The following SIPA1L3 variants were observed in gnomAD, a reference collection of about 807,000 sequenced individuals.
SIPA1L3 encodes signal induced proliferation associated 1 like 3.
In SIPA1L3, 59 loss-of-function variants were observed where a neutral mutation model predicts 150.1. That is an observed-to-expected ratio of 0.39 (90% confidence interval 0.32 to 0.49). The LOEUF is 0.49. SIPA1L3 is among the 20% of genes least tolerant of loss of function. The pLI is 0.86. For missense variants in SIPA1L3, 2,211 were observed against 2,489.5 expected (o/e 0.89, Z 2.38); for synonymous variants, 1,070 against 1,077.6 (o/e 0.99, Z 0.14).
chr19:38,171,909 G>A (rs1972336855), intron 15 of SIPA1L3, among the ~76,000 whole-genome samples: 1 of 152,134 alleles, frequency 6.6e-6, no homozygotes, highest in Non-Finnish European at 1.5e-5. Context: ...AGGTAGGTAG[G>A]TAGGTAGGCA....
intron 2 of SIPA1L3, among the ~76,000 whole-genome samples, chr19:38,031,127 T>G (rs1021792933): frequency 7.2e-5 from 11 of 152,188 alleles, no homozygotes. Context: ...AATTCTTGAT[T>G]ACTTTTATTT....
chr19:38,073,097 A>G (rs530642309), intron 2 of SIPA1L3, among the ~76,000 whole-genome samples: 1 of 152,242 alleles, frequency 6.6e-6, no homozygotes, highest in South Asian at 2.1e-4. Context: ...CCAGTGGGAC[A>G]TAAAAGAAAG....
rs761295790 is a variant in SIPA1L3, at chr19:38,164,950, C to T, written c.4208+44C>T. 1.1e-5 allele frequency: 16 copies of T among 1,479,754 alleles called. No homozygotes were observed. The highest frequency in any genetic ancestry group is 2.7e-5 in the South Asian group (2 of 73,396). The allele number at this position is 1,479,754 out of a possible 1,614,324, so 91.7% of individuals were successfully genotyped here. On this transcript the variant is annotated intron_variant, in intron 15 of 21. Transcript: ENST00000222345. This position sits in a 1 kb window ranked among gnomAD's most constrained non-coding sequence, Gnocchi z 4.1. ...TCTGGGTTCTAACCACCTTCCACTT[C>T]GCCAGTTCTACTTTTACGGTCCTGA...
In SIPA1L3 at chr19:38,081,646, T is replaced by C; in HGVS notation, c.81T>C (p.Pro27=). ...GCGCCAGGGTGGGCGATGTCCTCCC[T>C]GGGCCACACACAGGGGACTACGCTC... is the stretch of plus-strand genomic sequence containing the variant. ...SCGARVGDVL[P]GPHTGDYAPL... The change falls in exon 3 of 22, where the codon CCT becomes CCC. Residue 27 remains proline, a synonymous_variant. Transcript: ENST00000222345. The C allele has an allele frequency of 6.2e-7, 1 of 1,610,340 alleles. No individual in the cohort carries two copies. The highest frequency in any genetic ancestry group is 8.5e-7 in the Non-Finnish European group (1 of 1,178,102).
intron 1 of SIPA1L3, among the ~76,000 whole-genome samples, chr19:37,947,006 CA>C (rs1194094056): frequency 2.0e-5 from 3 of 151,812 alleles, no homozygotes; most frequent in Non-Finnish European, 4.4e-5. Flanking sequence ...CCAGCCTTGG[CA>C]ACATAGTGAG....
intron 2 of SIPA1L3, among the ~76,000 whole-genome samples, chr19:38,038,478 T>C (rs1210536298): frequency 6.6e-6 from 1 of 151,390 alleles, no homozygotes; most frequent in African/African-American, 2.4e-5. Context: ...TAATCCCAGC[T>C]GCTCAGGAGG....
At chr19:38,020,594 C>T (rs1968351125) in intron 1 of SIPA1L3, among the ~76,000 whole-genome samples, 1 of 152,240 alleles carries the variant, frequency 6.6e-6, no homozygotes, top group African/African-American at 2.4e-5. Context: ...TGGGGCCAGC[C>T]GACCACAGTG....
At chr19:38,135,109 G>T (rs1018258915) in intron 10 of SIPA1L3, among the ~76,000 whole-genome samples, 1 of 152,116 alleles carries the variant, frequency 6.6e-6, no homozygotes, top group East Asian at 1.9e-4. Flanking sequence ...AATCCAGGTC[G>T]GCCTGTCTCC....
At chr19:38,009,842 C>T (rs556769177) in intron 1 of SIPA1L3, among the ~76,000 whole-genome samples, 18 of 152,186 alleles carry the variant, frequency 1.2e-4, no homozygotes, top group East Asian at 1.2e-3. Context: ...TTTTCTATGA[C>T]GGCGTGATAT....
chr19:38,205,122 A>G (rs1316106531), intron 21 of SIPA1L3, among the ~76,000 whole-genome samples: 1 of 152,202 alleles, frequency 6.6e-6, no homozygotes, highest in Non-Finnish European at 1.5e-5. Flanking sequence ...AGGGCCATCT[A>G]GAAGGTGACA....
chr19:37,987,697 G>A (rs748690224), intron 1 of SIPA1L3, among the ~76,000 whole-genome samples: 6 of 152,200 alleles, frequency 3.9e-5, no homozygotes, highest in Non-Finnish European at 5.9e-5. Flanking sequence ...CACTCACATC[G>A]ATGCTCAGGT....
intron 2 of SIPA1L3, among the ~76,000 whole-genome samples, chr19:38,062,621 ATTT>A (rs11392353): frequency 7.6e-6 from 1 of 132,280 alleles, no homozygotes; most frequent in Admixed American, 7.5e-5. Context: ...TATTATTATT[ATTT>A]TTTTTTTTGA....
intron 1 of SIPA1L3, among the ~76,000 whole-genome samples, chr19:37,970,545 C>G (rs1382187427): frequency 6.6e-6 from 1 of 152,142 alleles, no homozygotes; most frequent in Non-Finnish European, 1.5e-5. Context: ...TCTCTTCTCA[C>G]TAAAGCCACA....
At chr19:37,933,692 C>G (rs770349940) in intron 1 of SIPA1L3, among the ~76,000 whole-genome samples, 3 of 152,164 alleles carry the variant, frequency 2.0e-5, no homozygotes, top group African/African-American at 7.2e-5. Context: ...AGATGCCTCC[C>G]CCTGGTCACC....
chr19:38,162,411 G>A (rs1381724925), intron 14 of SIPA1L3, 40 bp downstream of exon 14: 4 of 1,494,832 alleles, frequency 2.7e-6, no homozygotes, highest in Non-Finnish European at 2.8e-6. Context: ...GGGGAGCCAG[G>A]CCTGCCTGGG....
At chr19:37,969,621 G>A (rs117711994) in intron 1 of SIPA1L3, among the ~76,000 whole-genome samples, 8 of 151,990 alleles carry the variant, frequency 5.3e-5, no homozygotes, top group African/African-American at 1.7e-4. Flanking sequence ...AAGGTCCCCC[G>A]TGATGCAGCC....
chr19:38,171,794 C>G (rs1972334239), intron 15 of SIPA1L3, among the ~76,000 whole-genome samples: 1 of 152,074 alleles, frequency 6.6e-6, no homozygotes, highest in Non-Finnish European at 1.5e-5. Flanking sequence ...AAGTTCGAGA[C>G]AGCAGTGTGC....
chr19:38,156,370 T>G (rs1306591777), intron 13 of SIPA1L3, among the ~76,000 whole-genome samples: 1 of 151,400 alleles, frequency 6.6e-6, no homozygotes, highest in Non-Finnish European at 1.5e-5. Flanking sequence ...GCATACACCA[T>G]GGGCCCCAAA....
chr19:37,989,190 C>T (rs1291010198), intron 1 of SIPA1L3, among the ~76,000 whole-genome samples: 1 of 152,158 alleles, frequency 6.6e-6, no homozygotes, highest in African/African-American at 2.4e-5. Context: ...CGGAACCTTC[C>T]TAACTCTGTG....
Sources: gnomAD v4.1 joint callset for allele counts (sites outside exome capture counted in the v4.1 genomes callset) on GRCh38, gnomAD v4.1.1 for gene constraint, Gnocchi (gnomAD v3.1) non-coding constraint, MANE v1.5 for transcripts, NCBI Gene and HGNC (gene_info 2026-07-23, HGNC 2026-07-21) for gene names.